Variants in GEMIN5 observed in about 807,000 individuals in gnomAD.
GEMIN5 encodes gem nuclear organelle associated protein 5, also known as gem-associated protein 5.
In GEMIN5, 124 loss-of-function variants were observed where a neutral mutation model predicts 176.9. That is an observed-to-expected ratio of 0.70 (90% CI 0.61 to 0.81). The LOEUF (loss-of-function observed/expected upper bound fraction) is 0.81. GEMIN5 is among the 40% of genes least tolerant of loss of function. GEMIN5 has a pLI of 0.00. For missense variants in GEMIN5, 1,843 were observed against 1,814.6 expected (o/e 1.02, Z -0.28); for synonymous variants, 673 against 665.2 (o/e 1.01, Z -0.18).
rs1763414909 is a variant in GEMIN5 at position 154,899,163 on chromosome 5, G to A, written c.3134+28C>T. On this transcript the variant is annotated intron_variant, in intron 22 of 27. Coordinates refer to ENST00000285873, the MANE Select transcript of GEMIN5 (RefSeq NM_015465.5). ...TCCTGGCAGAAGCTCTCCTATGTTG[G>A]AAGCATCCCTCCACTCCTCAGGCTT... is the stretch of plus-strand genomic sequence containing the variant. The A allele has an allele frequency of 1.9e-6, 3 of 1,584,796 alleles. 1 individual carries two copies. The highest frequency in any genetic ancestry group is 2.3e-5 in the South Asian group (2 of 86,032).
At chr5:154,937,275 T>A in intron 1 of GEMIN5, 90 bp from the exon 2 acceptor site, 1 of 1,055,748 alleles carries the variant, frequency 9.5e-7, no homozygotes, top group Non-Finnish European at 1.4e-6. Flanking sequence ...AGTGAGCAGA[T>A]GCTTTGGAGT....
chr5:154,936,704 G>C (rs1326837140), intron 2 of GEMIN5, among the ~76,000 whole-genome samples: 1 of 152,154 alleles, frequency 6.6e-6, no homozygotes, highest in Non-Finnish European at 1.5e-5. Flanking sequence ...TTTAGACCTT[G>C]TGGGCCATAC....
chr5:154,911,907 A>G lies in GEMIN5; in HGVS notation c.1996-9T>C. 6.2e-7 allele frequency: 1 copy of G among 1,609,622 alleles called. No individual in the cohort carries two copies. Among genetic ancestry groups the G allele is most frequent in the Non-Finnish European group, 8.5e-7 (1 of 1,177,880 alleles). ...CGGAGAGCATCCCACACCTAAACCC[A>G]AAAGCACATGGCCGAAAAGACATTT... On this transcript the variant is annotated splice_polypyrimidine_tract_variant and intron_variant, in intron 14 of 27. Coordinates refer to ENST00000285873, the MANE Select transcript of GEMIN5 (RefSeq NM_015465.5).
At chr5:154,934,208 C>G (rs1405528816) in intron 3 of GEMIN5, among the ~76,000 whole-genome samples, 1 of 151,870 alleles carries the variant, frequency 6.6e-6, no homozygotes, top group Non-Finnish European at 1.5e-5. Flanking sequence ...TTTTTTGAGA[C>G]AGAGTTTCGC....
At position 154,914,240 on chromosome 5, in the gene GEMIN5, C is replaced by T. The variant is rs867925326; in HGVS notation, c.1856-1202G>A. ...TTCACCATGTTGGCCAGGCTGGTTT[C>T]GAACTCCGGACCTCAGGCGATCCGC... On this transcript the variant is annotated intron_variant, in intron 13 of 27. Coordinates refer to ENST00000285873, the MANE Select transcript of GEMIN5 (RefSeq NM_015465.5). Among the ~76,000 whole-genome samples the T allele has an allele frequency of 6.6e-5, 10 of 152,234 alleles. No homozygotes were observed. The Middle Eastern group carries it at 0.024, about 362-fold the overall frequency.
At chr5:154,927,720 A>C (rs780478108) in intron 6 of GEMIN5, among the ~76,000 whole-genome samples, 170 bp from the exon 7 acceptor site, 1 of 152,202 alleles carries the variant, frequency 6.6e-6, no homozygotes, top group Non-Finnish European at 1.5e-5. Flanking sequence ...GGCTGGGTGC[A>C]GTAGTTCACA....
chr5:154,937,030 G>T lies in GEMIN5; in HGVS notation c.322C>A (p.His108Asn). 6.2e-7 allele frequency: 1 copy of T among 1,612,528 alleles called. No individual in the cohort carries two copies. ...TKTVVTEHAL[H>N]QHTISTLHWS... is the part of the protein sequence containing the mutation. ...AAACCAGTAAGCCATGGTACCTGATGGAGTGCATGTTCTGTCACAACTGTT... is the reference window on the plus strand; with the variant it reads ...AAACCAGTAAGCCATGGTACCTGATTGAGTGCATGTTCTGTCACAACTGTT... Residue 108 changes from histidine to asparagine, a missense_variant, in exon 2 of 28, where the codon CAT becomes AAT. Coordinates refer to ENST00000285873, the MANE Select transcript of GEMIN5 (RefSeq NM_015465.5).
chr5:154,919,577 T>G (rs1763879661), intron 11 of GEMIN5, among the ~76,000 whole-genome samples: 1 of 152,324 alleles, frequency 6.6e-6, no homozygotes, highest in Non-Finnish European at 1.5e-5. Flanking sequence ...GCAGTTGCAT[T>G]TGGATACTAT....
At chr5:154,930,819 A>G (rs1336665212) in intron 5 of GEMIN5, among the ~76,000 whole-genome samples, 1 of 152,218 alleles carries the variant, frequency 6.6e-6, no homozygotes, top group Non-Finnish European at 1.5e-5. Context: ...ATTTTCCACC[A>G]CAGCTTAAAA....
rs577828068 is a variant in GEMIN5 at position 154,889,680 on chromosome 5, C to T, written c.4263-263G>A. On this transcript the variant is annotated intron_variant, in intron 26 of 27. Transcript: ENST00000285873. ...TAACTTCTCATTCTGCTTCCCTTAG[C>T]CCCTGTCAACATTATTCTACTTTCT... 1.4e-3 allele frequency among the ~76,000 whole-genome samples: 216 copies of T among 152,306 alleles called. 1 individual carries two copies. The highest frequency in any genetic ancestry group is 2.7e-3 in the Non-Finnish European group (182 of 68,034).
intron 20 of GEMIN5, 23 bp from the exon 21 acceptor site, chr5:154,901,509 T>C: frequency 6.2e-7 from 1 of 1,611,018 alleles, no homozygotes; most frequent in Non-Finnish European, 8.5e-7. Flanking sequence ...AAGATGGTGG[T>C]TAAAAAAACA....
In GEMIN5 at chr5:154,889,280, A is replaced by C. The variant is rs377532744; in HGVS notation, c.4359+41T>G. 5.7e-6 allele frequency: 6 copies of C among 1,059,600 alleles called. No individual in the cohort carries two copies. The African/African-American group carries it at 9.2e-5, about 16-fold the overall frequency. The allele number at this position is 1,059,600 out of a possible 1,614,324, so 65.6% of individuals were successfully genotyped here. ...ATGTGGTATAGTCAAGTGATAACAC[A>C]AAAAGTGATGCTTTACCAAATGAAC... On this transcript the variant is annotated intron_variant, in intron 27 of 27. Coordinates refer to ENST00000285873, the MANE Select transcript of GEMIN5 (RefSeq NM_015465.5).
intron 1 of GEMIN5, 100 bp from the exon 2 acceptor site, chr5:154,937,285 T>C: frequency 1.0e-6 from 1 of 977,372 alleles, no homozygotes; most frequent in Non-Finnish European, 1.5e-6. Context: ...TGCTTTGGAG[T>C]TACTTAACCC....
At chr5:154,936,528 A>C (rs998921190) in intron 2 of GEMIN5, among the ~76,000 whole-genome samples, 1 of 152,224 alleles carries the variant, frequency 6.6e-6, no homozygotes, top group African/African-American at 2.4e-5. Flanking sequence ...ATCATTAAAA[A>C]TTTTTTAAAT....
chr5:154,900,697 G>C (rs1763443653), intron 21 of GEMIN5, among the ~76,000 whole-genome samples: 1 of 152,162 alleles, frequency 6.6e-6, no homozygotes, highest in Non-Finnish European at 1.5e-5. Flanking sequence ...ACTCTGCCTG[G>C]AGATCCCATT....
rs370170022 is a variant in GEMIN5, at chr5:154,896,352, C to T, written c.3346-9G>A. The T allele has an allele frequency of 2.9e-5, 45 of 1,555,180 alleles. No homozygotes were observed. Among genetic ancestry groups the T allele is most frequent in the Middle Eastern group, 2.2e-4 (1 of 4,550 alleles). On this transcript the variant is annotated splice_polypyrimidine_tract_variant and intron_variant, in intron 23 of 27. Transcript: ENST00000285873. Reference sequence around the variant, plus strand: ...AACACCAATCTCTGACCCTGGAACACGACAACAAGGAAGAGGAACTGTTAT... The same window carrying T: ...AACACCAATCTCTGACCCTGGAACATGACAACAAGGAAGAGGAACTGTTAT...
chr5:154,898,361 G>T, intron 23 of GEMIN5, 79 bp downstream of exon 23: 1 of 1,286,000 alleles, frequency 7.8e-7, no homozygotes, highest in Non-Finnish European at 1.1e-6. Flanking sequence ...GTGCAACTGG[G>T]TTATTAACTT....
Position 154,933,946 on chromosome 5 carries a change from C to T in GEMIN5, c.510-1696G>A, listed in dbSNP as rs529305036. Among the ~76,000 whole-genome samples the T allele has an allele frequency of 2.6e-5, 4 of 152,276 alleles. No homozygotes were observed. In the South Asian group the frequency reaches 8.3e-4, roughly 32 times the overall value. On this transcript the variant is annotated intron_variant, in intron 3 of 27. Transcript: ENST00000285873. The stretch of plus-strand genomic sequence containing the variant: ...TCCAGTCCCCTTCCATTTTCACTAT[C>T]ACTCACCCACACCTGTCTTTCCATA...
At chr5:154,898,251 C>CATATT (rs1400384237) in intron 23 of GEMIN5, among the ~76,000 whole-genome samples, 189 bp downstream of exon 23, 1 of 152,094 alleles carries the variant, frequency 6.6e-6, no homozygotes, top group African/African-American at 2.4e-5. Flanking sequence ...TGTGAATGAC[C>CATATT]ATATTATCTC....
Sources: allele counts gnomAD v4.1 joint callset (sites outside exome capture counted in the v4.1 genomes callset), GRCh38; gene constraint gnomAD v4.1.1; transcripts MANE v1.5; gene names NCBI Gene and HGNC (gene_info 2026-07-23, HGNC 2026-07-21).